GXYLT2: variants seen among roughly 807,000 people sequenced by gnomAD.
The protein encoded by GXYLT2 is glycosyltransferase 8 domain containing 4.
GXYLT2 carries 53 observed loss-of-function variants against 45.8 expected under a neutral mutation model. The observed-to-expected ratio is 1.16, with a 90% CI of 0.93 to 1.46. The LOEUF (loss-of-function observed/expected upper bound fraction) is 1.46, where lower values mean the gene tolerates loss of function less well. Among genes scored for constraint, GXYLT2 ranks in the 40% most tolerant of loss-of-function variants. The pLI, the probability that GXYLT2 is intolerant of heterozygous loss-of-function variation, is 0.00. For missense variants in GXYLT2, 551 were observed against 544.4 expected (o/e 1.01, Z -0.12); for synonymous variants, 219 against 214.2 (o/e 1.02, Z -0.19).
At chr3:72,918,498 ATTG>A (rs1181540981) in intron 2 of GXYLT2, among the ~76,000 whole-genome samples, 1 of 152,176 alleles carries the variant, frequency 6.6e-6, no homozygotes, top group Admixed American at 6.6e-5. Context: ...AATTCTTAGA[ATTG>A]TTGTAGCAAC....
At chr3:72,892,066 T>A (rs546989766) in intron 1 of GXYLT2, among the ~76,000 whole-genome samples, 1 of 152,322 alleles carries the variant, frequency 6.6e-6, no homozygotes, top group South Asian at 2.1e-4. Context: ...GAATTTGGCA[T>A]GTGGAGTCCA....
At chr3:72,950,761 A>G (rs1432107136) in intron 3 of GXYLT2, among the ~76,000 whole-genome samples, 1 of 152,230 alleles carries the variant, frequency 6.6e-6, no homozygotes, top group Non-Finnish European at 1.5e-5. Flanking sequence ...AACTCAGACT[A>G]GAATTACAAC....
Position 72,912,124 on chromosome 3 carries a change from C to T in GXYLT2, c.468+3565C>T, listed in dbSNP as rs1208609493. On this transcript the variant is annotated intron_variant, in intron 2 of 6. Transcript: ENST00000389617. Reference sequence around the variant, plus strand: ...CTCCTGGATTCAAGAAGTTCTCATGCCTCAGCCTCCCAAGTAGCTGGGACT... The same window carrying T: ...CTCCTGGATTCAAGAAGTTCTCATGTCTCAGCCTCCCAAGTAGCTGGGACT... 2.6e-5 allele frequency among the ~76,000 whole-genome samples: 4 copies of T among 151,138 alleles called. No individual in the cohort carries two copies. The Admixed American group carries it at 2.6e-4, about 10-fold the overall frequency.
chr3:72,966,687 T>C (rs1053341685), intron 5 of GXYLT2, among the ~76,000 whole-genome samples: 6 of 151,652 alleles, frequency 4.0e-5, no homozygotes, highest in Non-Finnish European at 8.8e-5. Flanking sequence ...TGGAGTGTAG[T>C]GGTGCGATCT....
intron 3 of GXYLT2, among the ~76,000 whole-genome samples, chr3:72,952,086 C>T (rs1300514975): frequency 1.3e-5 from 2 of 151,144 alleles, no homozygotes; most frequent in Non-Finnish European, 2.9e-5. Flanking sequence ...CACTGCAACG[C>T]TCACCTCCCG....
intron 1 of GXYLT2, among the ~76,000 whole-genome samples, chr3:72,898,585 G>A (rs1002737056): frequency 6.6e-6 from 1 of 152,188 alleles, no homozygotes; most frequent in Non-Finnish European, 1.5e-5. Flanking sequence ...CAGATGGGGT[G>A]GGTTAGGAAG....
rs371439715 is a variant in GXYLT2 at position 72,894,828 on chromosome 3, C to T, written c.275+6320C>T. 3.9e-5 allele frequency among the ~76,000 whole-genome samples: 6 copies of T among 152,236 alleles called. No homozygotes were observed. The East Asian group carries it at 9.6e-4, about 24-fold the overall frequency. On this transcript the variant is annotated intron_variant, in intron 1 of 6. Coordinates refer to ENST00000389617, the MANE Select transcript of GXYLT2 (RefSeq NM_001080393.2). ...ACACCTTTTGCAAACAATTGTGGTT[C>T]TTCTGCCCAGCCCTTCCCCACTGGG...
chr3:72,954,806 T>TC (rs1458223952), intron 3 of GXYLT2, among the ~76,000 whole-genome samples: 1 of 152,046 alleles, frequency 6.6e-6, no homozygotes, highest in Non-Finnish European at 1.5e-5. Context: ...GATGTTTTCT[T>TC]TTTTTTGTAA....
In GXYLT2 at chr3:72,975,200, C is replaced by T. The variant is rs1711073407; in HGVS notation, c.*41C>T. ...GCAAGTCAATTAGGTGTCTTGTGAC[C>T]AAGGAAATACTAATCTCTAAGCTGC... On this transcript the variant is annotated 3_prime_UTR_variant, in exon 7 of 7. Coordinates refer to ENST00000389617, the MANE Select transcript of GXYLT2 (RefSeq NM_001080393.2). The T allele has an allele frequency of 1.4e-6, 2 of 1,419,388 alleles. No homozygotes were observed. The highest frequency in any genetic ancestry group is 2.0e-6 in the Non-Finnish European group (2 of 1,022,082). The allele number at this position is 1,419,388 out of a possible 1,614,324, so 87.9% of individuals were successfully genotyped here. A position where few individuals can be genotyped will look rare whatever the true frequency, so the allele number is the denominator to read the frequency against.
At chr3:72,949,372 G>T (rs1463807014) in intron 3 of GXYLT2, among the ~76,000 whole-genome samples, 1 of 151,950 alleles carries the variant, frequency 6.6e-6, no homozygotes, top group East Asian at 1.9e-4. Context: ...TTTTCCTCCA[G>T]CCTGGCTTAA....
In GXYLT2 at chr3:72,961,674, A is replaced by G. The variant is rs73097125; in HGVS notation, c.976+4322A>G. On this transcript the variant is annotated intron_variant, in intron 5 of 6. Coordinates refer to ENST00000389617, the MANE Select transcript of GXYLT2 (RefSeq NM_001080393.2). ...GAATTCTTAGCAAAAAAAAAAAAAA[A>G]AGAGAGAGAGAGAGACTGGCCCAGC... Among the ~76,000 whole-genome samples the G allele has an allele frequency of 5.8e-4, 69 of 118,990 alleles. 1 individual carries two copies. The highest frequency in any genetic ancestry group is 1.9e-3 in the East Asian group (8 of 4,138). The allele number at this position is 118,990 out of a possible 152,430, so 78.1% of individuals were successfully genotyped here.
intron 3 of GXYLT2, among the ~76,000 whole-genome samples, chr3:72,924,396 G>A (rs1464202656): frequency 1.3e-5 from 2 of 151,910 alleles, no homozygotes; most frequent in East Asian, 3.9e-4. Flanking sequence ...GTCTTGCTAT[G>A]TTGCCAGCCT....
chr3:72,888,743 C>T (rs2107050054), intron 1 of GXYLT2, among the ~76,000 whole-genome samples: 1 of 152,282 alleles, frequency 6.6e-6, no homozygotes, highest in Non-Finnish European at 1.5e-5. Context: ...AAAGTGGTTT[C>T]GTACATTACA....
At chr3:72,915,364 G>C (rs564381296) in intron 2 of GXYLT2, among the ~76,000 whole-genome samples, 1 of 134,516 alleles carries the variant, frequency 7.4e-6, no homozygotes, top group South Asian at 2.6e-4. Flanking sequence ...TGCGGGGGGG[G>C]GGGGGATTTA....
At chr3:72,972,386 C>CTGTAG (rs59923560) in intron 6 of GXYLT2, among the ~76,000 whole-genome samples, 1 of 151,506 alleles carries the variant, frequency 6.6e-6, no homozygotes, top group African/African-American at 2.4e-5. Flanking sequence ...TGGGTCACAC[C>CTGTAG]TCCCAGCACT....
chr3:72,897,717 G>A (rs1245833301), intron 1 of GXYLT2, among the ~76,000 whole-genome samples: 1 of 152,306 alleles, frequency 6.6e-6, no homozygotes, highest in Non-Finnish European at 1.5e-5. Context: ...GAAACTGAGG[G>A]CTAAAGGTGG....
chr3:72,905,463 A>AT (rs1462563307), intron 1 of GXYLT2, among the ~76,000 whole-genome samples: 6 of 151,858 alleles, frequency 4.0e-5, no homozygotes, highest in East Asian at 3.9e-4. Flanking sequence ...AGTCTGGTTT[A>AT]TTTTTTTTCA....
At chr3:72,948,176 T>C (rs1464086968) in intron 3 of GXYLT2, among the ~76,000 whole-genome samples, 3 of 152,226 alleles carry the variant, frequency 2.0e-5, no homozygotes, top group Non-Finnish European at 4.4e-5. Flanking sequence ...TTTTTCTTTG[T>C]GTCTGGATGT....
At chr3:72,904,758 C>T (rs774254173) in intron 1 of GXYLT2, among the ~76,000 whole-genome samples, 7 of 151,356 alleles carry the variant, frequency 4.6e-5, no homozygotes, top group African/African-American at 7.3e-5. Context: ...AACCACTATC[C>T]GGCCAGGCAT....
Sources: allele counts gnomAD v4.1 joint callset (sites outside exome capture counted in the v4.1 genomes callset), GRCh38; gene constraint gnomAD v4.1.1; transcripts MANE v1.5; gene names NCBI Gene and HGNC (gene_info 2026-07-23, HGNC 2026-07-21).